Variants in DIAPH3 observed in about 807,000 individuals in gnomAD.
DIAPH3 encodes the protein diaphanous related formin 3.
In DIAPH3, 117 loss-of-function variants were observed where a neutral mutation model predicts 144.3. The ratio of observed to expected loss-of-function variants is 0.81; its 90% CI spans 0.70 to 0.95. The LOEUF is 0.95. DIAPH3 is among the 40% of genes least tolerant of loss of function. The pLI is 0.00. For synonymous variants in DIAPH3, 519 were observed against 488.9 expected, an observed-to-expected ratio of 1.06 and a Z score of -0.81; for missense variants, 1,421 against 1,412.7, an observed-to-expected ratio of 1.01 and a Z score of -0.09.
rs748610684 is a variant in DIAPH3 at position 60,163,648 on chromosome 13, C to A, written c.119G>T (p.Gly40Val). 3 of 1,608,244 alleles carry A rather than the reference C, an allele frequency of 1.9e-6. No individual in the cohort carries two copies. The highest frequency in any genetic ancestry group is 2.6e-6 in the Non-Finnish European group (3 of 1,175,948). The change falls in exon 1 of 28, where the codon GGC (glycine) becomes GTC (valine). Residue 40 changes from glycine to valine, a missense_variant. Transcript: ENST00000400324. ...ACTGGGCGGCGGAGGGTGTTGGGGG[C>A]CCTTCCTGCGCGGCATCTTGCTTTC... is the stretch of plus-strand genomic sequence containing the variant. ...CRESKMPRRK[G>V]PQHPPPPSGP...
At chr13:59,709,579 A>C (rs1350133891) in intron 27 of DIAPH3, among the ~76,000 whole-genome samples, 1 of 152,240 alleles carries the variant, frequency 6.6e-6, no homozygotes, top group Admixed American at 6.5e-5. Flanking sequence ...GGCAATCATT[A>C]AAAAGTCAGC....
intron 1 of DIAPH3, among the ~76,000 whole-genome samples, chr13:60,140,679 T>C (rs2138305747): frequency 6.6e-6 from 1 of 152,262 alleles, no homozygotes; most frequent in East Asian, 1.9e-4. Flanking sequence ...TTCCCAGTTG[T>C]CTCAATAAGC....
In DIAPH3 at chr13:60,018,862, A is replaced by G. The variant is rs185150937; in HGVS notation, c.627-2717T>C. Among the ~76,000 whole-genome samples, 568 of 152,250 alleles carry G rather than the reference A, an allele frequency of 3.7e-3. 2 individuals carry two copies. The highest frequency in any genetic ancestry group is 0.012 in the African/African-American group (501 of 41,574). On this transcript the variant is annotated intron_variant, in intron 5 of 27. Coordinates refer to ENST00000400324, the MANE Select transcript of DIAPH3 (RefSeq NM_001042517.2). ...GACACCTGACAACCAAAGAAACAAT[A>G]TAAGAATTAAAAGAAAGCTAACAAA...
chr13:59,983,726 T>C, intron 13 of DIAPH3, 43 bp downstream of exon 13: 1 of 1,329,414 alleles, frequency 7.5e-7, no homozygotes, highest in Non-Finnish European at 1.1e-6. Flanking sequence ...ATTCATAGAA[T>C]AAGAGACAAT....
At chr13:60,042,846 T>C (rs780163723) in intron 4 of DIAPH3, 26 bp from the exon 5 acceptor site, 2 of 1,610,820 alleles carry the variant, frequency 1.2e-6, no homozygotes, top group Admixed American at 1.7e-5. Flanking sequence ...AAAAATGTTT[T>C]GATTAATACT....
intron 20 of DIAPH3, among the ~76,000 whole-genome samples, chr13:59,907,248 A>C (rs1302525370): frequency 6.6e-6 from 1 of 152,218 alleles, no homozygotes; most frequent in Non-Finnish European, 1.5e-5. Context: ...GAATATTTCA[A>C]ATTAAGCACA....
At chr13:60,102,153 T>C (rs919319136) in intron 3 of DIAPH3, among the ~76,000 whole-genome samples, 2 of 152,204 alleles carry the variant, frequency 1.3e-5, no homozygotes, top group Non-Finnish European at 2.9e-5. Context: ...AAGACATTCC[T>C]ATTCATTTAT....
intron 13 of DIAPH3, among the ~76,000 whole-genome samples, chr13:59,983,302 T>G (rs1156780270): frequency 6.6e-6 from 1 of 151,376 alleles, no homozygotes; most frequent in East Asian, 1.9e-4. Flanking sequence ...AATAGATCTT[T>G]GCCTATGGAG....
At chr13:60,021,253 C>A (rs1320532323) in intron 5 of DIAPH3, among the ~76,000 whole-genome samples, 3 of 152,146 alleles carry the variant, frequency 2.0e-5, no homozygotes, top group Admixed American at 6.5e-5. Flanking sequence ...CCTAGTTTAT[C>A]CAGGTGGTTC....
chr13:60,077,363 T>C (rs899955380), intron 4 of DIAPH3, among the ~76,000 whole-genome samples: 5 of 152,096 alleles, frequency 3.3e-5, no homozygotes, highest in African/African-American at 4.8e-5. Flanking sequence ...TTGCCAACTA[T>C]AAGATATTCC....
intron 7 of DIAPH3, chr13:60,013,079 G>A: frequency 1.0e-6 from 1 of 985,274 alleles, no homozygotes; most frequent in Non-Finnish European, 1.2e-6. Flanking sequence ...ATTTAATGAG[G>A]GCTGTTTTAG....
intron 23 of DIAPH3, among the ~76,000 whole-genome samples, chr13:59,836,606 G>A (rs182258221): frequency 1.5e-4 from 23 of 151,606 alleles, no homozygotes; most frequent in Admixed American, 9.9e-4. Context: ...TACTATCATC[G>A]AGTGCTATTA....
chr13:59,991,947 T>G (rs2051847788), intron 11 of DIAPH3, 121 bp downstream of exon 11: 1 of 778,230 alleles, frequency 1.3e-6, no homozygotes, highest in Non-Finnish European at 2.3e-6. Flanking sequence ...ATTCTTCTGA[T>G]GCATGAAGGT....
intron 25 of DIAPH3, among the ~76,000 whole-genome samples, chr13:59,810,079 G>T (rs904614863): frequency 3.3e-5 from 5 of 151,694 alleles, no homozygotes; most frequent in Non-Finnish European, 1.5e-5. Flanking sequence ...GTCTCTAAAA[G>T]ATACTTTGAA....
chr13:60,084,806 A>G (rs1329575421), intron 4 of DIAPH3, among the ~76,000 whole-genome samples: 1 of 152,130 alleles, frequency 6.6e-6, no homozygotes, highest in Non-Finnish European at 1.5e-5. Context: ...TGATAGTAAG[A>G]GGCTATACCA....
At chr13:59,851,104 G>C (rs1400055301) in intron 22 of DIAPH3, among the ~76,000 whole-genome samples, 1 of 151,862 alleles carries the variant, frequency 6.6e-6, no homozygotes, top group South Asian at 2.1e-4. Context: ...TATCCTTGAT[G>C]AACATTGATG....
chr13:60,117,933 T>C (rs9598088), intron 2 of DIAPH3, among the ~76,000 whole-genome samples: 53,944 of 151,874 alleles, frequency 0.36, 9,827 homozygotes, highest in Admixed American at 0.43. Context: ...CCTCTTAAAG[T>C]TGAGCAAGAA....
intron 22 of DIAPH3, among the ~76,000 whole-genome samples, chr13:59,858,042 T>C (rs980693737): frequency 6.6e-6 from 1 of 152,174 alleles, no homozygotes; most frequent in African/African-American, 2.4e-5. Context: ...CTTTTTGAGA[T>C]GCTATGGAAA....
chr13:60,076,087 C>T (rs1460463262), intron 4 of DIAPH3, among the ~76,000 whole-genome samples: 1 of 152,216 alleles, frequency 6.6e-6, no homozygotes, highest in African/African-American at 2.4e-5. Flanking sequence ...GGCACAAGTC[C>T]AGCTTGTTCC....
Sources: allele counts gnomAD v4.1 joint callset (sites outside exome capture counted in the v4.1 genomes callset), GRCh38; gene constraint gnomAD v4.1.1; transcripts MANE v1.5; gene names NCBI Gene and HGNC (gene_info 2026-07-23, HGNC 2026-07-21).